NRXN3: variants seen among roughly 807,000 people sequenced by gnomAD.
NRXN3 encodes the protein neurexin III.
In NRXN3, 32 loss-of-function variants were observed where a neutral mutation model predicts 137.6. The ratio of observed to expected loss-of-function variants is 0.23; its 90% CI spans 0.18 to 0.31. The LOEUF is 0.31. Ranked by LOEUF, NRXN3 falls within the 10% of genes least tolerant of loss-of-function variation. The pLI, the probability that NRXN3 is intolerant of heterozygous loss-of-function variation, is 1.00. For missense variants in NRXN3, 1,574 were observed against 2,062.5 expected, an observed-to-expected ratio of 0.76 and a Z score of 4.59; for synonymous variants, 798 against 784.5, an observed-to-expected ratio of 1.02 and a Z score of -0.29.
intron 11 of NRXN3, among the ~76,000 whole-genome samples, chr14:78,958,520 T>C (rs1358336039): frequency 6.6e-6 from 1 of 152,110 alleles, no homozygotes; most frequent in Non-Finnish European, 1.5e-5. Context: ...CACGCCTGGC[T>C]AATTTTTTGT....
At chr14:79,561,433 T>C (rs1291449638) in intron 16 of NRXN3, among the ~76,000 whole-genome samples, 10 of 152,144 alleles carry the variant, frequency 6.6e-5, no homozygotes, top group Non-Finnish European at 1.5e-4. Flanking sequence ...CTGTGGGCAA[T>C]TGCACAAATC....
chr14:78,823,006 A>G (rs1308302548), intron 10 of NRXN3, among the ~76,000 whole-genome samples: 1 of 152,156 alleles, frequency 6.6e-6, no homozygotes, highest in Non-Finnish European at 1.5e-5. Flanking sequence ...TCAGCTCTAT[A>G]GGCATATTAG....
chr14:79,458,105 C>T (rs188171373), intron 15 of NRXN3, among the ~76,000 whole-genome samples: 71 of 152,210 alleles, frequency 4.7e-4, no homozygotes, highest in African/African-American at 1.4e-3. Flanking sequence ...TGTCACGTTG[C>T]TTTTCTGTTG....
intron 4 of NRXN3, among the ~76,000 whole-genome samples, chr14:78,591,867 C>T (rs1405002186): frequency 6.6e-6 from 1 of 152,128 alleles, no homozygotes; most frequent in Non-Finnish European, 1.5e-5. Context: ...AATAGCTTCC[C>T]CTCTTCCCCT....
intron 4 of NRXN3, 121 bp downstream of exon 4, chr14:78,297,981 G>T (rs1204030757): frequency 1.3e-5 from 15 of 1,190,756 alleles, no homozygotes; most frequent in Non-Finnish European, 1.7e-5. Flanking sequence ...CCTGCGCTGG[G>T]CCAGGCTGGC....
chr14:78,672,508 A>T (rs1241779638), intron 6 of NRXN3, among the ~76,000 whole-genome samples: 1 of 152,208 alleles, frequency 6.6e-6, no homozygotes, highest in African/African-American at 2.4e-5. Flanking sequence ...ATGCTTCCCT[A>T]TTAATGATGC....
Position 79,517,092 on chromosome 14 carries a change from GC to G in NRXN3, c.3444+49701del, listed in dbSNP as rs35613259. On this transcript the variant is annotated intron_variant, in intron 16 of 20. Coordinates refer to ENST00000335750, the MANE Select transcript of NRXN3 (RefSeq NM_001330195.2). ...TTGAGAAGTATTACACAAATGTACA[GC>G]CCCCCCCCCCTCAACGAATGGGAGC... is the stretch of plus-strand genomic sequence containing the variant. Among the ~76,000 whole-genome samples the G allele has an allele frequency of 1.5e-3, 191 of 124,634 alleles. 4 individuals carry two copies. Among genetic ancestry groups the G allele is most frequent in the African/African-American group, 4.5e-3 (132 of 29,496 alleles). The allele number at this position is 124,634 out of a possible 152,430, so 81.8% of individuals were successfully genotyped here.
chr14:79,433,791 A>G (rs1182355055), intron 15 of NRXN3, among the ~76,000 whole-genome samples: 2 of 152,220 alleles, frequency 1.3e-5, no homozygotes, highest in Admixed American at 1.3e-4. Context: ...AGATGGGTCT[A>G]GCTAAAACTT....
chr14:78,396,201 T>C (rs1271300611), intron 4 of NRXN3, among the ~76,000 whole-genome samples: 1 of 152,042 alleles, frequency 6.6e-6, no homozygotes, highest in Admixed American at 6.6e-5. Flanking sequence ...CACACAATCA[T>C]AGTCTACTAG....
At chr14:79,257,388 ATGGTGGTGGTGGTGGTGG>A (rs1555899794) in intron 15 of NRXN3, among the ~76,000 whole-genome samples, 5 of 31,466 alleles carry the variant, frequency 1.6e-4, no homozygotes, top group African/African-American at 6.8e-4. Flanking sequence ...GGTGGTGGTG[ATGGTGGTGGTGGTGGTGG>A]TGGTGGTGAT....
chr14:79,427,482 T>G (rs1035333345), intron 15 of NRXN3, among the ~76,000 whole-genome samples: 1 of 151,986 alleles, frequency 6.6e-6, no homozygotes, highest in East Asian at 1.9e-4. Flanking sequence ...CACACAAAAT[T>G]GTTCTTCTTG....
chr14:79,859,761 C>T (rs1381953344), intron 20 of NRXN3, among the ~76,000 whole-genome samples: 1 of 152,162 alleles, frequency 6.6e-6, no homozygotes, highest in Non-Finnish European at 1.5e-5. Context: ...CTCAATGGGT[C>T]AGCTCAGAAA....
At chr14:78,704,868 G>A (rs551447588) in intron 6 of NRXN3, among the ~76,000 whole-genome samples, 11 of 152,178 alleles carry the variant, frequency 7.2e-5, no homozygotes, top group Middle Eastern at 3.4e-3. Flanking sequence ...ATATTGTTCC[G>A]GCTCTCAGCT....
intron 10 of NRXN3, among the ~76,000 whole-genome samples, chr14:78,845,229 CA>C (rs2152460228): frequency 6.6e-6 from 1 of 152,098 alleles, no homozygotes; most frequent in South Asian, 2.1e-4. Context: ...AAACACTCAT[CA>C]AAAAATATGA....
intron 16 of NRXN3, among the ~76,000 whole-genome samples, chr14:79,496,864 T>A (rs772600751): frequency 9.9e-5 from 15 of 152,132 alleles, no homozygotes; most frequent in Non-Finnish European, 1.9e-4. Context: ...CAGCCCAGCA[T>A]GGGAGAGGGC....
intron 15 of NRXN3, among the ~76,000 whole-genome samples, chr14:79,332,288 G>C (rs1343632597): frequency 6.6e-6 from 1 of 152,182 alleles, no homozygotes; most frequent in Non-Finnish European, 1.5e-5. Flanking sequence ...TGGTTTGCCT[G>C]CCTTTGATTT....
At chr14:78,966,483 T>C (rs1362394186) in intron 12 of NRXN3, 77 bp downstream of exon 12, 1 of 1,458,444 alleles carries the variant, frequency 6.9e-7, no homozygotes, top group South Asian at 1.3e-5. Flanking sequence ...GACATAAAAA[T>C]AACTTGTCTA....
At chr14:78,705,130 C>T (rs7143785) in intron 6 of NRXN3, among the ~76,000 whole-genome samples, 47,274 of 152,030 alleles carry the variant, frequency 0.31, 9,237 homozygotes, top group African/African-American at 0.56. Context: ...TGACATCTTC[C>T]CCCATGGGGA....
At chr14:78,791,405 A>G (rs2098804747) in intron 8 of NRXN3, among the ~76,000 whole-genome samples, 1 of 152,144 alleles carries the variant, frequency 6.6e-6, no homozygotes, top group Non-Finnish European at 1.5e-5. Flanking sequence ...AAAAATTAGG[A>G]GCAAGACAGA....
Sources: gnomAD v4.1 joint callset for allele counts (sites outside exome capture counted in the v4.1 genomes callset) on GRCh38, gnomAD v4.1.1 for gene constraint, MANE v1.5 for transcripts, NCBI Gene and HGNC (gene_info 2026-07-23, HGNC 2026-07-21) for gene names.